The following CADM1 variants were observed in gnomAD, a reference collection of about 807,000 sequenced individuals.
CADM1 encodes TSLC-1.
Under a neutral mutation model 53.1 loss-of-function variants are expected in CADM1, and 15 were observed. The observed-to-expected ratio is 0.28, with a 90% CI of 0.19 to 0.44. The LOEUF (loss-of-function observed/expected upper bound fraction) is 0.44. Ranked by LOEUF, CADM1 falls within the 20% of genes least tolerant of loss-of-function variation. The pLI is 1.00. For missense variants in CADM1, 434 were observed against 611.3 expected, an observed-to-expected ratio of 0.71 and a Z score of 3.06; for synonymous variants, 281 against 243.0, an observed-to-expected ratio of 1.16 and a Z score of -1.45.
chr11:115,473,180 C>T (rs149894960), intron 1 of CADM1, among the ~76,000 whole-genome samples: 91 of 152,294 alleles, frequency 6.0e-4, no homozygotes, highest in African/African-American at 2.0e-3. Context: ...GTAAGCAGGC[C>T]GGGCATGATG....
chr11:115,445,592 C>T (rs1948431204), intron 1 of CADM1, among the ~76,000 whole-genome samples: 1 of 151,992 alleles, frequency 6.6e-6, no homozygotes, highest in Non-Finnish European at 1.5e-5. Flanking sequence ...GCCTGTAATT[C>T]CAGCACTTTG....
intron 1 of CADM1, among the ~76,000 whole-genome samples, chr11:115,433,518 T>G (rs577686800): frequency 2.0e-4 from 31 of 152,244 alleles, no homozygotes; most frequent in Non-Finnish European, 3.8e-4. Context: ...TAAACCAATT[T>G]AATTCAAGGT....
intron 1 of CADM1, among the ~76,000 whole-genome samples, chr11:115,438,741 A>G (rs916581237): frequency 2.0e-5 from 3 of 152,216 alleles, no homozygotes; most frequent in East Asian, 1.9e-4. Context: ...GTCCATTTAT[A>G]GAATGCTTTA....
At chr11:115,206,755 C>CTTT (rs1194703150) in intron 8 of CADM1, among the ~76,000 whole-genome samples, 19 of 5,440 alleles carry the variant, frequency 3.5e-3, no homozygotes, top group Non-Finnish European at 7.7e-3. Flanking sequence ...TGACTGTGGA[C>CTTT]TTCTTTTTTT....
intron 1 of CADM1, among the ~76,000 whole-genome samples, chr11:115,293,463 A>C (rs1413469819): frequency 6.6e-6 from 1 of 152,162 alleles, no homozygotes; most frequent in East Asian, 1.9e-4. Context: ...CAGTATAACT[A>C]TTCTGCCCTC....
At chr11:115,461,417 G>A (rs1251517454) in intron 1 of CADM1, among the ~76,000 whole-genome samples, 1 of 152,166 alleles carries the variant, frequency 6.6e-6, no homozygotes, top group Admixed American at 6.5e-5. Context: ...CGCAAGTTAG[G>A]AAAACAGGTG....
chr11:115,218,776 G>A (rs73572133), intron 5 of CADM1, among the ~76,000 whole-genome samples: 1,947 of 152,282 alleles, frequency 0.013, 45 homozygotes, highest in African/African-American at 0.043. Flanking sequence ...CTAATGCAGT[G>A]AGGTACTTAG....
chr11:115,494,770 G>C (rs1236630704), intron 1 of CADM1, among the ~76,000 whole-genome samples: 2 of 152,118 alleles, frequency 1.3e-5, no homozygotes, highest in Admixed American at 6.5e-5. Context: ...TTGATAAATA[G>C]AGATAGGTAA....
Position 115,175,917 on chromosome 11 carries a change from A to G in CADM1, c.*557T>C, listed in dbSNP as rs1009719666. 4.0e-6 allele frequency: 4 copies of G among 1,006,674 alleles called. No individual in the cohort carries two copies. Among genetic ancestry groups the G allele is most frequent in the Non-Finnish European group, 4.7e-6 (4 of 842,504 alleles). 62.4% of individuals were successfully genotyped at this position (1,006,674 alleles called of 1,614,324 possible). A position where few individuals can be genotyped will look rare whatever the true frequency, so the allele number is the denominator to read the frequency against. On this transcript the variant is annotated 3_prime_UTR_variant, in exon 12 of 12. Coordinates refer to ENST00000331581, the MANE Select transcript of CADM1 (RefSeq NM_001301043.2). ...ACAGAGAAGAATGCATTATGGATAC[A>G]CTAAATTCTGAACTATGAAATCTAA...
intron 1 of CADM1, among the ~76,000 whole-genome samples, chr11:115,472,286 A>G (rs1166195652): frequency 6.6e-6 from 1 of 152,244 alleles, no homozygotes; most frequent in Non-Finnish European, 1.5e-5. Flanking sequence ...ATTAAGTTTA[A>G]CAGTGGATCA....
At chr11:115,427,460 G>A (rs914789568) in intron 1 of CADM1, among the ~76,000 whole-genome samples, 3 of 152,058 alleles carry the variant, frequency 2.0e-5, no homozygotes, top group African/African-American at 7.2e-5. Flanking sequence ...TGTCCCATAG[G>A]GTTTCTATGG....
At chr11:115,430,964 G>T (rs1382756591) in intron 1 of CADM1, among the ~76,000 whole-genome samples, 1 of 152,148 alleles carries the variant, frequency 6.6e-6, no homozygotes, top group African/African-American at 2.4e-5. Flanking sequence ...TTTACATTTT[G>T]CTGATATTGC....
intron 1 of CADM1, among the ~76,000 whole-genome samples, chr11:115,284,114 C>CTCTCTG (rs1351842329): frequency 2.0e-5 from 2 of 98,686 alleles, no homozygotes; most frequent in African/African-American, 3.8e-5. Flanking sequence ...CTCTCTCTCT[C>CTCTCTG]TGTGTGTGTG....
At chr11:115,346,367 A>G (rs1190564635) in intron 1 of CADM1, among the ~76,000 whole-genome samples, 1 of 152,132 alleles carries the variant, frequency 6.6e-6, no homozygotes, top group Non-Finnish European at 1.5e-5. Flanking sequence ...AACTCTAAAT[A>G]ACTTCAGGAA....
chr11:115,486,623 G>C (rs1349690828), intron 1 of CADM1, among the ~76,000 whole-genome samples: 1 of 152,140 alleles, frequency 6.6e-6, no homozygotes, highest in Admixed American at 6.5e-5. Flanking sequence ...GGGATTATAG[G>C]CATGAGCCAT....
chr11:115,446,377 C>A (rs1031435068), intron 1 of CADM1, among the ~76,000 whole-genome samples: 10 of 152,184 alleles, frequency 6.6e-5, no homozygotes, highest in Admixed American at 4.6e-4. Flanking sequence ...ACTAGCACAT[C>A]ACACTGCCTT....
chr11:115,426,595 G>A (rs1947899251), intron 1 of CADM1, among the ~76,000 whole-genome samples: 3 of 152,098 alleles, frequency 2.0e-5, no homozygotes, highest in African/African-American at 7.2e-5. Flanking sequence ...TGTGGCTGGA[G>A]AATCACCCTT....
rs1943465981 is a variant in CADM1, at chr11:115,277,081, C to A, written c.125-36661G>T. 3.3e-5 allele frequency among the ~76,000 whole-genome samples: 5 copies of A among 152,218 alleles called. No individual in the cohort carries two copies. In the South Asian group the frequency reaches 1.0e-3, roughly 32 times the overall value. On this transcript the variant is annotated intron_variant, in intron 1 of 11. Transcript: ENST00000331581. ...CAACGAAACATCTCACAGTTGGTAG[C>A]CAAAAGCCAGCTTGAGTAGACGGGA...
chr11:115,182,603 T>C (rs529612176), intron 10 of CADM1, among the ~76,000 whole-genome samples: 136 of 152,338 alleles, frequency 8.9e-4, no homozygotes, highest in African/African-American at 3.1e-3. Context: ...AGATGAACCC[T>C]GTAAAGGTTA....
Sources: allele counts gnomAD v4.1 joint callset (sites outside exome capture counted in the v4.1 genomes callset), GRCh38; gene constraint gnomAD v4.1.1; transcripts MANE v1.5; gene names NCBI Gene and HGNC (gene_info 2026-07-23, HGNC 2026-07-21).